The following GPHN variants were observed in gnomAD, a reference collection of about 807,000 sequenced individuals.
The protein encoded by GPHN is gephyrin.
Under a neutral mutation model 95.5 loss-of-function variants are expected in GPHN, and 17 were observed. The ratio of observed to expected loss-of-function variants is 0.18; its 90% CI spans 0.12 to 0.27. GPHN has a LOEUF of 0.27. GPHN is among the 10% of genes least tolerant of loss of function. The pLI, the probability that GPHN is intolerant of heterozygous loss-of-function variation, is 1.00. For missense variants in GPHN, 660 were observed against 978.1 expected (o/e 0.67, Z 4.34); for synonymous variants, 320 against 322.5 (o/e 0.99, Z 0.08).
chr14:67,534,939 A>G, the GPHN span, among the ~76,000 whole-genome samples: 10 of 152,250 alleles, frequency 6.6e-5, no homozygotes, highest in African/African-American at 2.2e-4. Flanking sequence ...ATTGTTTAGC[A>G]AAAGGTTGGA....
chr14:66,590,210 C>T (rs2061582571), intron 1 of GPHN, among the ~76,000 whole-genome samples: 1 of 152,122 alleles, frequency 6.6e-6, no homozygotes, highest in Non-Finnish European at 1.5e-5. Flanking sequence ...TAAATGCCCA[C>T]AGGAGAAAGC....
chr14:67,629,603 G>A, the GPHN span, among the ~76,000 whole-genome samples: 1 of 149,396 alleles, frequency 6.7e-6, no homozygotes, highest in African/African-American at 2.4e-5. Flanking sequence ...GGAGATGGAT[G>A]ATGGTAGTGA....
At chr14:67,635,574 C>T in the GPHN span, among the ~76,000 whole-genome samples, 1 of 152,184 alleles carries the variant, frequency 6.6e-6, no homozygotes, top group Non-Finnish European at 1.5e-5. Context: ...AGGAATTCGG[C>T]CGGGCACGGC....
the GPHN span, among the ~76,000 whole-genome samples, chr14:67,486,105 C>T: frequency 3.3e-5 from 5 of 152,360 alleles, no homozygotes; most frequent in East Asian, 7.7e-4. Flanking sequence ...TCGCTTCACT[C>T]ACGCCAGACA....
the GPHN span, chr14:67,616,566 A>G: frequency 6.6e-6 from 1 of 152,484 alleles, no homozygotes; most frequent in Admixed American, 6.6e-5. Context: ...TGTCCTTTTA[A>G]AAATGAACTA....
intron 8 of GPHN, among the ~76,000 whole-genome samples, chr14:66,957,206 T>C (rs1201607161): frequency 7.4e-6 from 1 of 135,710 alleles, no homozygotes; most frequent in Admixed American, 7.3e-5. Context: ...TTTTTTTTTT[T>C]TTTTTTTGAG....
chr14:67,694,153 C>T, the GPHN span, among the ~76,000 whole-genome samples: 2 of 152,042 alleles, frequency 1.3e-5, no homozygotes, highest in African/African-American at 4.8e-5. Context: ...AAGGTACATA[C>T]TCTTAGCCAT....
At chr14:67,508,422 A>T in the GPHN span, among the ~76,000 whole-genome samples, 1 of 152,022 alleles carries the variant, frequency 6.6e-6, no homozygotes, top group Non-Finnish European at 1.5e-5. Context: ...AAGCCAAAAA[A>T]CTTGCATCAC....
chr14:66,630,554 C>T (rs11158639), intron 1 of GPHN, among the ~76,000 whole-genome samples: 38,300 of 151,866 alleles, frequency 0.25, 9,747 homozygotes, highest in African/African-American at 0.62. Flanking sequence ...TCACTGGAAG[C>T]TCCACCTCCC....
chr14:67,041,764 C>A (rs2074717933), intron 10 of GPHN, among the ~76,000 whole-genome samples: 2 of 152,166 alleles, frequency 1.3e-5, no homozygotes, highest in Admixed American at 6.5e-5. Flanking sequence ...AATGGTATTT[C>A]TAATTCTAGA....
intron 1 of GPHN, among the ~76,000 whole-genome samples, chr14:66,634,739 C>T (rs2064008890): frequency 6.6e-6 from 1 of 152,148 alleles, no homozygotes; most frequent in Admixed American, 6.5e-5. Flanking sequence ...CAGGAACCAG[C>T]TATAAGATTG....
chr14:66,514,339 A>G (rs2058156955), intron 1 of GPHN, among the ~76,000 whole-genome samples: 1 of 152,002 alleles, frequency 6.6e-6, no homozygotes, highest in African/African-American at 2.4e-5. Context: ...ATGGCAAAAA[A>G]TTTAAGGAGC....
At chr14:66,969,792 C>T (rs1455811526) in intron 9 of GPHN, 3 of 144,762 alleles carry the variant, frequency 2.1e-5, no homozygotes, top group African/African-American at 5.1e-5. Flanking sequence ...CAGAACAAAA[C>T]TCTCTCTCCA....
intron 17 of GPHN, among the ~76,000 whole-genome samples, chr14:67,127,894 CTG>C (rs1028394944): frequency 1.3e-5 from 2 of 152,150 alleles, no homozygotes; most frequent in African/African-American, 4.8e-5. Flanking sequence ...TTATCTTTGT[CTG>C]GATTACAAAG....
the GPHN span, chr14:67,557,219 C>T: frequency 6.4e-7 from 1 of 1,557,388 alleles, no homozygotes. Flanking sequence ...GGCCACTGCA[C>T]ACCCCGTGTG....
the GPHN span, among the ~76,000 whole-genome samples, chr14:67,359,434 C>A: frequency 1.3e-5 from 2 of 152,208 alleles, no homozygotes; most frequent in Non-Finnish European, 2.9e-5. Context: ...GCCGGCCGGG[C>A]GCCTTTTCCT....
At chr14:67,620,136 G>C in the GPHN span, 1 of 1,379,474 alleles carries the variant, frequency 7.2e-7, no homozygotes, top group Non-Finnish European at 1.0e-6. Flanking sequence ...CCGCCCCCTA[G>C]AACCTGGAGA....
At chr14:67,332,692 G>C in the GPHN span, 8 of 1,321,186 alleles carry the variant, frequency 6.1e-6, no homozygotes, top group South Asian at 1.5e-5. Flanking sequence ...TATGAAGGTC[G>C]CTCCTTGTTC....
chr14:67,431,029 T>C, the GPHN span, among the ~76,000 whole-genome samples: 2 of 152,068 alleles, frequency 1.3e-5, no homozygotes, highest in African/African-American at 2.4e-5. Flanking sequence ...AATCAAACCA[T>C]GGGAAATCCA....
Sources: allele counts gnomAD v4.1 joint callset (sites outside exome capture counted in the v4.1 genomes callset), GRCh38; gene constraint gnomAD v4.1.1; transcripts MANE v1.5; gene names NCBI Gene and HGNC (gene_info 2026-07-23, HGNC 2026-07-21).